The following GALNT18 variants were observed in gnomAD, a reference collection of about 807,000 sequenced individuals.
GALNT18 encodes the protein GalNAc-transferase 18.
Under a neutral mutation model 69.5 loss-of-function variants are expected in GALNT18, and 44 were observed. The observed-to-expected ratio is 0.63, with a 90% confidence interval of 0.50 to 0.81. The LOEUF (loss-of-function observed/expected upper bound fraction) is 0.81, where lower values mean the gene tolerates loss of function less well. GALNT18 is among the 40% of genes least tolerant of loss of function. GALNT18 has a pLI of 0.00. For missense variants in GALNT18, 715 were observed against 810.0 expected (o/e 0.88, Z 1.42); for synonymous variants, 364 against 318.2 (o/e 1.14, Z -1.53).
At chr11:11,352,046 C>T in intron 6 of GALNT18, 1 of 1,613,758 alleles carries the variant, frequency 6.2e-7, no homozygotes, top group Non-Finnish European at 8.5e-7. Context: ...AAGGAGTTGG[C>T]ACTGAAGAAA....
At position 11,347,685 on chromosome 11, in the gene GALNT18, T is replaced by C. The variant is rs757828195; in HGVS notation, c.1093-6681A>G. ...CTCTTAGCCCAGAAAGCCTCCTTCC[T>C]GCTCTCCACATCCATCCAAAGCCGG... On this transcript the variant is annotated intron_variant, in intron 6 of 10. Transcript: ENST00000227756. The surrounding 1 kb of genome is among the most constrained non-coding windows in gnomAD (Gnocchi z 4.0). Among the ~76,000 whole-genome samples, 6 of 152,218 alleles carry C rather than the reference T, an allele frequency of 3.9e-5. No homozygotes were observed. Among genetic ancestry groups the C allele is most frequent in the Non-Finnish European group, 7.3e-5 (5 of 68,044 alleles).
At position 11,563,706 on chromosome 11, in the gene GALNT18, A is replaced by C. The variant is rs1054723112; in HGVS notation, c.235+57653T>G. On this transcript the variant is annotated intron_variant, in intron 1 of 10. Transcript: ENST00000227756. The surrounding 1 kb of genome is among the most constrained non-coding windows in gnomAD (Gnocchi z 4.6). Reference sequence around the variant, plus strand: ...ATTCAAACCCAGGCTTCCCAACGCCAAGTCTAACACTCTCTCCTCCCAGCC... The same window carrying C: ...ATTCAAACCCAGGCTTCCCAACGCCCAGTCTAACACTCTCTCCTCCCAGCC... Among the ~76,000 whole-genome samples, 1 of 152,186 alleles carries C rather than the reference A, an allele frequency of 6.6e-6. No individual in the cohort carries two copies. The highest frequency in any genetic ancestry group is 6.5e-5 in the Admixed American group (1 of 15,286).
At position 11,454,016 on chromosome 11, in the gene GALNT18, G is replaced by T. The variant is rs965458589; in HGVS notation, c.236-5080C>A. Among the ~76,000 whole-genome samples the T allele has an allele frequency of 1.4e-4, 21 of 152,144 alleles. No individual in the cohort carries two copies. Among genetic ancestry groups the T allele is most frequent in the Admixed American group, 5.2e-4 (8 of 15,270 alleles). On this transcript the variant is annotated intron_variant, in intron 1 of 10. Coordinates refer to ENST00000227756, the MANE Select transcript of GALNT18 (RefSeq NM_198516.3). This position sits in a 1 kb window ranked among gnomAD's most constrained non-coding sequence, Gnocchi z 4.2. ...TCCCTCAGACTCAGAACAGCATCTG[G>T]CGCCTAGTAGGTGCTTAACCAATAC...
Position 11,377,313 on chromosome 11 carries a change from G to A in GALNT18, c.846C>T (p.Asn282=), listed in dbSNP as rs1192693193. 6.2e-7 allele frequency: 1 copy of A among 1,613,914 alleles called. No homozygotes were observed. The highest frequency in any genetic ancestry group is 8.5e-7 in the Non-Finnish European group (1 of 1,179,914). The change falls in exon 5 of 11, where the codon AAC becomes AAT. Residue 282 remains asparagine, a synonymous_variant. Coordinates refer to ENST00000227756, the MANE Select transcript of GALNT18 (RefSeq NM_198516.3). This position sits in a 1 kb window ranked among gnomAD's most constrained non-coding sequence, Gnocchi z 4.6. ...RKRIISPSFD[N]IKYDNFEIEE... ...CTATCTCAAAGTTGTCATATTTGAT[G>A]TTATCAAAGGATGGCGAGATGATCC...
intron 6 of GALNT18, among the ~76,000 whole-genome samples, chr11:11,362,822 C>T (rs973987123): frequency 4.6e-5 from 7 of 152,118 alleles, no homozygotes; most frequent in Admixed American, 1.3e-4. Context: ...CCTTTGACTT[C>T]GCAATTCCAT....
At chr11:11,378,520 C>A (rs1853831067) in intron 4 of GALNT18, among the ~76,000 whole-genome samples, 1 of 152,236 alleles carries the variant, frequency 6.6e-6, no homozygotes, top group African/African-American at 2.4e-5. Flanking sequence ...TTCCCCCCAG[C>A]ATCTGAGCAG....
At chr11:11,367,006 C>A (rs925807467) in intron 6 of GALNT18, among the ~76,000 whole-genome samples, 7 of 152,190 alleles carry the variant, frequency 4.6e-5, no homozygotes, top group African/African-American at 1.7e-4. Context: ...ATAAGCTATT[C>A]TCTAAGGCTA....
Position 11,337,669 on chromosome 11 carries a change from G to A in GALNT18, c.1278+3150C>T, listed in dbSNP as rs185590432. Among the ~76,000 whole-genome samples the A allele has an allele frequency of 3.5e-4, 54 of 152,276 alleles. No individual in the cohort carries two copies. In the East Asian group the frequency reaches 9.9e-3, roughly 28 times the overall value. ...CTGGAGCTGAGTCTCAAAGGATGGG[G>A]AAGATTTAGTAGGGGTGGTCATACA... On this transcript the variant is annotated intron_variant, in intron 7 of 10. Transcript: ENST00000227756. The surrounding 1 kb of genome is among the most constrained non-coding windows in gnomAD (Gnocchi z 4.9).
intron 3 of GALNT18, among the ~76,000 whole-genome samples, chr11:11,408,196 T>C (rs1007501126): frequency 1.3e-4 from 19 of 151,738 alleles, no homozygotes; most frequent in African/African-American, 3.9e-4. Context: ...GAAACTCCAT[T>C]TCTACTAATA....
chr11:11,526,718 A>G (rs562460678), intron 1 of GALNT18, among the ~76,000 whole-genome samples: 92 of 152,240 alleles, frequency 6.0e-4, no homozygotes, highest in African/African-American at 2.0e-3. Flanking sequence ...GAATACCTGT[A>G]CCATTGACCA....
At chr11:11,536,496 C>T (rs1857775987) in intron 1 of GALNT18, among the ~76,000 whole-genome samples, 1 of 152,298 alleles carries the variant, frequency 6.6e-6, no homozygotes, top group Admixed American at 6.5e-5. Flanking sequence ...AGGGCTTCCC[C>T]TCCTTACACC....
intron 1 of GALNT18, among the ~76,000 whole-genome samples, chr11:11,449,605 T>C (rs1040779532): frequency 1.3e-5 from 2 of 152,226 alleles, no homozygotes; most frequent in East Asian, 1.9e-4. Flanking sequence ...CTTGTGGACT[T>C]GGTGGAGGCA....
intron 3 of GALNT18, among the ~76,000 whole-genome samples, chr11:11,386,609 A>AT (rs1223164385): frequency 1.3e-5 from 2 of 152,362 alleles, no homozygotes; most frequent in African/African-American, 4.8e-5. Context: ...CTCTGCATTA[A>AT]TTGGATAAAA....
intron 10 of GALNT18, among the ~76,000 whole-genome samples, chr11:11,280,633 G>A (rs1273590400): frequency 6.6e-6 from 1 of 152,124 alleles, no homozygotes; most frequent in Non-Finnish European, 1.5e-5. Flanking sequence ...TTCCTGGTGG[G>A]ACAATTTTGT....
chr11:11,338,642 A>G lies in GALNT18; in HGVS notation c.1278+2177T>C, dbSNP rs1204560302. 6.6e-6 allele frequency among the ~76,000 whole-genome samples: 1 copy of G among 152,230 alleles called. No individual in the cohort carries two copies. The highest frequency in any genetic ancestry group is 1.9e-4 in the East Asian group (1 of 5,196). On this transcript the variant is annotated intron_variant, in intron 7 of 10. Coordinates refer to ENST00000227756, the MANE Select transcript of GALNT18 (RefSeq NM_198516.3). This position sits in a 1 kb window ranked among gnomAD's most constrained non-coding sequence, Gnocchi z 5.3. ...TTCTGAGTGCCTGTGGGAATGGCCAAGAGGAGATGTCCAGCTGGCAGTTGG... is the reference window on the plus strand; with the variant it reads ...TTCTGAGTGCCTGTGGGAATGGCCAGGAGGAGATGTCCAGCTGGCAGTTGG...
At position 11,469,262 on chromosome 11, in the gene GALNT18, T is replaced by C. The variant is rs945300626; in HGVS notation, c.236-20326A>G. 6.6e-6 allele frequency among the ~76,000 whole-genome samples: 1 copy of C among 152,172 alleles called. No homozygotes were observed. Among genetic ancestry groups the C allele is most frequent in the East Asian group, 1.9e-4 (1 of 5,198 alleles). On this transcript the variant is annotated intron_variant, in intron 1 of 10. Coordinates refer to ENST00000227756, the MANE Select transcript of GALNT18 (RefSeq NM_198516.3). This position sits in a 1 kb window ranked among gnomAD's most constrained non-coding sequence, Gnocchi z 4.2. ...AACTAACGAAGGCCCCAAACCATGGTACCAGACTGTTCCCAGGGACTTCAC... is the reference window on the plus strand; with the variant it reads ...AACTAACGAAGGCCCCAAACCATGGCACCAGACTGTTCCCAGGGACTTCAC...
At chr11:11,324,792 A>C (rs1849890990) in intron 9 of GALNT18, among the ~76,000 whole-genome samples, 1 of 151,418 alleles carries the variant, frequency 6.6e-6, no homozygotes, top group Admixed American at 6.6e-5. Flanking sequence ...TTCCTTGTAG[A>C]TTCTGGATAT....
chr11:11,284,621 C>G (rs1171172838), intron 10 of GALNT18, among the ~76,000 whole-genome samples: 1 of 152,136 alleles, frequency 6.6e-6, no homozygotes, highest in Non-Finnish European at 1.5e-5. Flanking sequence ...TGTACTAGCT[C>G]GTGTATTCCA....
intron 2 of GALNT18, among the ~76,000 whole-genome samples, chr11:11,441,525 C>T (rs1403301671): frequency 6.6e-6 from 1 of 152,154 alleles, no homozygotes; most frequent in Non-Finnish European, 1.5e-5. Context: ...GGCTCGGCCA[C>T]ATAGCGCCTG....
Sources: gnomAD v4.1 joint callset for allele counts (sites outside exome capture counted in the v4.1 genomes callset) on GRCh38, gnomAD v4.1.1 for gene constraint, Gnocchi (gnomAD v3.1) non-coding constraint, MANE v1.5 for transcripts, NCBI Gene and HGNC (gene_info 2026-07-23, HGNC 2026-07-21) for gene names.